SLC26A4: variants seen among roughly 807,000 people sequenced by gnomAD.
SLC26A4 encodes pendrin.
In SLC26A4, 93 loss-of-function variants were observed where a neutral mutation model predicts 90.4. The observed-to-expected ratio is 1.03, with a 90% CI of 0.87 to 1.22. The LOEUF is 1.22. Ranked by LOEUF, SLC26A4 falls within the 50% of genes most tolerant of loss-of-function variation. The pLI, the probability that SLC26A4 is intolerant of heterozygous loss-of-function variation, is 0.00. For missense variants in SLC26A4, 1,127 were observed against 946.2 expected, an observed-to-expected ratio of 1.19 and a Z score of -2.51; for synonymous variants, 393 against 354.6, an observed-to-expected ratio of 1.11 and a Z score of -1.22.
intron 8 of SLC26A4, 65 bp from the exon 9 acceptor site, chr7:107,688,988 G>T: frequency 6.4e-7 from 1 of 1,555,182 alleles, no homozygotes; most frequent in Non-Finnish European, 8.9e-7. Flanking sequence ...TATAGCATTT[G>T]ATGAGATGGG....
chr7:107,662,828 G>C (rs1308940934), intron 2 of SLC26A4, among the ~76,000 whole-genome samples: 1 of 152,060 alleles, frequency 6.6e-6, no homozygotes, highest in Admixed American at 6.5e-5. Flanking sequence ...AAGTAGCAAG[G>C]TATAAGGTAT....
chr7:107,715,789 C>A lies in SLC26A4; in HGVS notation c.*343C>A, dbSNP rs139104953. The A allele has an allele frequency of 6.6e-5, 23 of 347,658 alleles. No homozygotes were observed. In the Middle Eastern group the frequency reaches 3.3e-3, roughly 49 times the overall value. 21.5% of individuals were successfully genotyped at this position (347,658 alleles called of 1,614,324 possible). On this transcript the variant is annotated 3_prime_UTR_variant, in exon 21 of 21. Transcript: ENST00000644269. ...TGACCCAACAGCCTCTGTGGTCAAG[C>A]GAGTCACGAATGATTAATCATAAAG...
intron 4 of SLC26A4, among the ~76,000 whole-genome samples, 154 bp from the exon 5 acceptor site, chr7:107,674,010 T>G (rs1790943786): frequency 1.3e-5 from 2 of 152,226 alleles, no homozygotes; most frequent in African/African-American, 4.8e-5. Flanking sequence ...CGGTTACAGA[T>G]GTGAGCCACT....
chr7:107,701,810 G>A lies in SLC26A4; in HGVS notation c.1804-17G>A, dbSNP rs745930518. 4 of 1,451,698 alleles carry A rather than the reference G, an allele frequency of 2.8e-6. No individual in the cohort carries two copies. The highest frequency in any genetic ancestry group is 1.4e-5 in the African/African-American group (1 of 71,174). 89.9% of individuals were successfully genotyped at this position (1,451,698 alleles called of 1,614,324 possible). A position where few individuals can be genotyped will look rare whatever the true frequency, so the allele number is the denominator to read the frequency against. ...CAAATCTTTGACAATTAAGTTGACA[G>A]TGTTTTCTTCGTTTAGAATGGCATC... On this transcript the variant is annotated splice_polypyrimidine_tract_variant and intron_variant, in intron 16 of 20. Coordinates refer to ENST00000644269, the MANE Select transcript of SLC26A4 (RefSeq NM_000441.2).
chr7:107,661,457 C>T lies in SLC26A4; in HGVS notation c.-3-182C>T. On this transcript the variant is annotated intron_variant, in intron 1 of 20. Coordinates refer to ENST00000644269, the MANE Select transcript of SLC26A4 (RefSeq NM_000441.2). This position sits in a 1 kb window ranked among gnomAD's most constrained non-coding sequence, Gnocchi z 5.1. ...CTCAGGTGCCCCCCTGCAGGCTGGC[C>T]GTGCGCGCCGTGGGGCGCTTGTCGC... is the stretch of plus-strand genomic sequence containing the variant. 1 of 682,062 alleles carries T rather than the reference C, an allele frequency of 1.5e-6. No homozygotes were observed. The highest frequency in any genetic ancestry group is 2.5e-6 in the Non-Finnish European group (1 of 396,780). 42.3% of individuals were successfully genotyped at this position (682,062 alleles called of 1,614,324 possible). A position where few individuals can be genotyped will look rare whatever the true frequency, so the allele number is the denominator to read the frequency against.
chr7:107,670,949 G>A (rs1182062419), intron 3 of SLC26A4, among the ~76,000 whole-genome samples: 1 of 152,190 alleles, frequency 6.6e-6, no homozygotes, highest in Non-Finnish European at 1.5e-5. Flanking sequence ...TAGTGGAGGA[G>A]TTGGTCAACT....
intron 6 of SLC26A4, among the ~76,000 whole-genome samples, chr7:107,681,070 T>C (rs1791216927): frequency 6.6e-6 from 1 of 152,154 alleles, no homozygotes; most frequent in South Asian, 2.1e-4. Context: ...CTGGTGGTAG[T>C]TATCCCATTT....
chr7:107,681,046 T>C (rs1013198729), intron 6 of SLC26A4, among the ~76,000 whole-genome samples: 3 of 152,186 alleles, frequency 2.0e-5, no homozygotes, highest in Non-Finnish European at 4.4e-5. Context: ...CCTAAGTTCT[T>C]GTTATCGTGT....
rs746121092 is a variant in SLC26A4 at position 107,713,300 on chromosome 7, T to C, written c.2319+678T>C. On this transcript the variant is annotated intron_variant, in intron 20 of 20. Transcript: ENST00000644269. ...TCCTTGATGAATGTTCATTCAGCTT[T>C]TATGTGAACATTTCCAGACATTGGC... Among the ~76,000 whole-genome samples the C allele has an allele frequency of 2.0e-4, 30 of 152,388 alleles. 2 individuals carry two copies. In the South Asian group the frequency reaches 2.9e-3, roughly 15 times the overall value.
Position 107,683,322 on chromosome 7 carries a change from A to G in SLC26A4, c.886A>G (p.Ile296Val), listed in dbSNP as rs761613436. 9 of 1,613,788 alleles carry G rather than the reference A, an allele frequency of 5.6e-6. No homozygotes were observed. Among genetic ancestry groups the G allele is most frequent in the Non-Finnish European group, 7.6e-6 (9 of 1,179,838 alleles). ...KELNDRFRHK[I>V]PVPIPIEVIV... ...ATTAAATGATCGGTTTAGACACAAAATCCCAGTCCCTATTCCTATAGAAGT... is the reference window on the plus strand; with the variant it reads ...ATTAAATGATCGGTTTAGACACAAAGTCCCAGTCCCTATTCCTATAGAAGT... Residue 296 changes from isoleucine (I) to valine (V), a missense_variant, in exon 7 of 21, where the codon ATC becomes GTC. By Grantham distance (29) the Ile-to-Val change is conservative. Transcript: ENST00000644269.
At chr7:107,695,901 A>C in intron 12 of SLC26A4, 32 bp from the exon 13 acceptor site, 78 of 978,666 alleles carry the variant, frequency 8.0e-5, no homozygotes, top group Non-Finnish European at 1.2e-4. Context: ...ATACATTAAT[A>C]TAATTCTTTT....
At chr7:107,701,553 T>C (rs749122417) in intron 16 of SLC26A4, among the ~76,000 whole-genome samples, 10 of 152,352 alleles carry the variant, frequency 6.6e-5, no homozygotes, top group Non-Finnish European at 1.5e-4. Context: ...TTTGGAGCTG[T>C]TAACTTTTAC....
intron 18 of SLC26A4, among the ~76,000 whole-genome samples, chr7:107,706,743 G>T (rs1288410578): frequency 6.6e-6 from 1 of 151,682 alleles, no homozygotes; most frequent in Non-Finnish European, 1.5e-5. Context: ...CTATTTAAAA[G>T]AACAGATTCT....
intron 17 of SLC26A4, 102 bp downstream of exon 17, chr7:107,702,159 A>G: frequency 1.3e-6 from 1 of 783,244 alleles, no homozygotes; most frequent in South Asian, 1.5e-5. Context: ...GGGCTTTGTA[A>G]TTTTTCTAGG....
At chr7:107,689,856 A>G (rs1277055860) in intron 9 of SLC26A4, among the ~76,000 whole-genome samples, 1 of 152,240 alleles carries the variant, frequency 6.6e-6, no homozygotes, top group East Asian at 1.9e-4. Context: ...TTCACTAGGC[A>G]GTGAAAAAGC....
intron 18 of SLC26A4, among the ~76,000 whole-genome samples, chr7:107,709,640 G>A (rs1792126126): frequency 6.6e-6 from 1 of 152,168 alleles, no homozygotes; most frequent in South Asian, 2.1e-4. Flanking sequence ...CACAGCAGCA[G>A]GAGGATGGAT....
intron 10 of SLC26A4, among the ~76,000 whole-genome samples, chr7:107,691,134 CACACACACAT>C (rs1791558534): frequency 1.3e-5 from 2 of 150,518 alleles, no homozygotes; most frequent in Admixed American, 6.6e-5. Context: ...CACACACACA[CACACACACAT>C]GCACACACAC....
rs1482124542 is a variant in SLC26A4, at chr7:107,715,635, G to C, written c.*189G>C. 1.6e-6 allele frequency: 1 copy of C among 624,190 alleles called. No homozygotes were observed. The highest frequency in any genetic ancestry group is 2.9e-6 in the Non-Finnish European group (1 of 345,674). The allele number at this position is 624,190 out of a possible 1,614,324, so 38.7% of individuals were successfully genotyped here. ...ATCCCTAACATGGGCAAAATGGCTA[G>C]AATTATTCAGACGATTTGGCAGCGT... On this transcript the variant is annotated 3_prime_UTR_variant, in exon 21 of 21. Coordinates refer to ENST00000644269, the MANE Select transcript of SLC26A4 (RefSeq NM_000441.2).
chr7:107,707,592 A>G (rs940909922), intron 18 of SLC26A4, among the ~76,000 whole-genome samples: 9 of 152,258 alleles, frequency 5.9e-5, no homozygotes, highest in African/African-American at 1.9e-4. Context: ...GTGGCACACA[A>G]CAATTTAAAA....
Sources: allele counts gnomAD v4.1 joint callset (sites outside exome capture counted in the v4.1 genomes callset), GRCh38; gene constraint gnomAD v4.1.1; non-coding constraint Gnocchi (gnomAD v3.1); transcripts MANE v1.5; gene names NCBI Gene and HGNC (gene_info 2026-07-23, HGNC 2026-07-21).